Variants in LIPA observed in about 807,000 individuals in gnomAD.
The protein encoded by LIPA is lipase A, lysosomal acid type.
LIPA carries 26 observed loss-of-function variants against 40.6 expected under a neutral mutation model. The observed-to-expected ratio is 0.64, with a 90% CI of 0.47 to 0.89. The LOEUF is 0.89. Among genes scored for constraint, LIPA ranks in the 40% least tolerant of loss-of-function variants. The probability of loss-of-function intolerance (pLI) is 0.00; values close to 1 mark genes in which losing one functional copy is unlikely to be tolerated. For synonymous variants in LIPA, 188 were observed against 168.4 expected (o/e 1.12, Z -0.90); for missense variants, 455 against 479.6 (o/e 0.95, Z 0.48).
chr10:89,299,784 G>T (rs1185019144), intron 1 of LIPA, among the ~76,000 whole-genome samples: 1 of 152,070 alleles, frequency 6.6e-6, no homozygotes, highest in Non-Finnish European at 1.5e-5. Context: ...TGGCAAGGAT[G>T]CAGGGGAAAG....
intron 2 of LIPA, among the ~76,000 whole-genome samples, chr10:89,395,251 G>T (rs972805948): frequency 7.6e-6 from 1 of 132,226 alleles, no homozygotes; most frequent in Non-Finnish European, 1.5e-5. Flanking sequence ...ATGACCCCTT[G>T]GCAAAATTGC....
At chr10:89,390,802 T>C (rs1296463972) in intron 2 of LIPA, among the ~76,000 whole-genome samples, 1 of 152,216 alleles carries the variant, frequency 6.6e-6, no homozygotes, top group Non-Finnish European at 1.5e-5. Context: ...TTTGTTCATA[T>C]CTCTGCATGC....
chr10:89,284,735 C>T (rs1013449218), intron 1 of LIPA, among the ~76,000 whole-genome samples: 1 of 152,172 alleles, frequency 6.6e-6, no homozygotes, highest in African/African-American at 2.4e-5. Context: ...GGCCTCTGAG[C>T]CCAAGCTAAG....
chr10:89,217,147 G>C (rs1026807489), intron 8 of LIPA, among the ~76,000 whole-genome samples: 2 of 152,210 alleles, frequency 1.3e-5, no homozygotes, highest in African/African-American at 4.8e-5. Context: ...ATTTGAAATG[G>C]TAAGTTTTGG....
intron 2 of LIPA, among the ~76,000 whole-genome samples, chr10:89,408,653 G>C (rs1841444769): frequency 2.0e-5 from 3 of 152,180 alleles, no homozygotes; most frequent in Admixed American, 6.5e-5. Context: ...GGCAGACCTG[G>C]AGAAGTTTTC....
Position 89,362,860 on chromosome 10 carries a change from C to A in LIPA, c.61+49931G>T, listed in dbSNP as rs902348238. 1.3e-4 allele frequency: 43 copies of A among 321,042 alleles called. No homozygotes were observed. In the Middle Eastern group the frequency reaches 2.8e-3, roughly 21 times the overall value. The allele number at this position is 321,042 out of a possible 1,614,324, so 19.9% of individuals were successfully genotyped here. A position where few individuals can be genotyped will look rare whatever the true frequency, so the allele number is the denominator to read the frequency against. On this transcript the variant is annotated intron_variant, in intron 2 of 8. Transcript: ENST00000371837. ...TTCAGCACTGGGTATGTCATCACTG[C>A]CTATTGCCTGGACGGTTTTAACACA...
chr10:89,323,285 A>T lies in LIPA; in HGVS notation c.-2+19326T>A, dbSNP rs74964804. 7.2e-3 allele frequency among the ~76,000 whole-genome samples: 1,100 copies of T among 152,332 alleles called. 22 individuals carry two copies. The highest frequency in any genetic ancestry group is 0.065 in the East Asian group (336 of 5,186). ...TCAACAAACTAGATATTGAAGGAAC[A>T]TACCTCCAGATAATAAGAGCCATCT... On this transcript the variant is annotated intron_variant, in intron 1 of 5. Transcript: ENST00000282673.
chr10:89,306,959 C>A (rs368019671), intron 1 of LIPA: 9 of 1,614,004 alleles, frequency 5.6e-6, no homozygotes, highest in Non-Finnish European at 7.6e-6. Context: ...TAATCTCTTC[C>A]GTGTCTGTTC....
upstream of LIPA, among the ~76,000 whole-genome samples, chr10:89,256,317 T>G (rs1317780886): frequency 6.6e-6 from 1 of 152,252 alleles, no homozygotes; most frequent in African/African-American, 2.4e-5. Context: ...GAGATATGAT[T>G]TGTGACTAAT....
At chr10:89,369,589 AG>A (rs1844080604) in intron 2 of LIPA, among the ~76,000 whole-genome samples, 1 of 152,234 alleles carries the variant, frequency 6.6e-6, no homozygotes, top group Admixed American at 6.5e-5. Context: ...TGAAGGAGGA[AG>A]ATTAATGAAG....
chr10:89,388,562 G>A (rs149522838), intron 2 of LIPA, among the ~76,000 whole-genome samples: 2 of 152,060 alleles, frequency 1.3e-5, no homozygotes, highest in Admixed American at 6.6e-5. Context: ...GGAAAAATAT[G>A]TACGTAAGAT....
At chr10:89,222,692 A>G (rs1460078287) in intron 7 of LIPA, 110 bp from the exon 8 acceptor site, 8 of 771,352 alleles carry the variant, frequency 1.0e-5, no homozygotes, top group Non-Finnish European at 1.9e-5. Flanking sequence ...CCATAATCTC[A>G]AGTATGTGAG....
At chr10:89,250,064 T>C (rs1452034291) in intron 1 of LIPA, among the ~76,000 whole-genome samples, 1 of 131,886 alleles carries the variant, frequency 7.6e-6, no homozygotes, top group Non-Finnish European at 1.6e-5. Flanking sequence ...CTGAAATTCT[T>C]TTCTTTTTTC....
rs1164923405 is a variant in LIPA at position 89,228,294 on chromosome 10, C to T, written c.334G>A (p.Gly112Ser). 1.9e-6 allele frequency: 3 copies of T among 1,614,026 alleles called. No individual in the cohort carries two copies. In the African/African-American group the frequency reaches 4.0e-5, roughly 22 times the overall value. Reference protein sequence around the residue: ...SSLGFILADAGFDVWMGNSRG... With the variant: ...SSLGFILADASFDVWMGNSRG... ...CTGTTGCCCATCCACACGTCAAAAC[C>T]AGCATCAGCAAGAATGAAGCCCAGG... Residue 112 changes from glycine (G) to serine (S), a missense_variant, in exon 4 of 10, where the codon GGT becomes AGT. Transcript: ENST00000336233.
chr10:89,378,399 G>T (rs1413732028), intron 2 of LIPA, among the ~76,000 whole-genome samples: 2 of 152,114 alleles, frequency 1.3e-5, no homozygotes, highest in Non-Finnish European at 2.9e-5. Flanking sequence ...AGGCGTGTTG[G>T]TTTACAACAG....
At chr10:89,269,578 A>ATT (rs1288934483) in intron 1 of LIPA, among the ~76,000 whole-genome samples, 2 of 152,234 alleles carry the variant, frequency 1.3e-5, no homozygotes, top group Non-Finnish European at 2.9e-5. Context: ...AGTCAACCAT[A>ATT]TAATACTTTA....
At position 89,335,701 on chromosome 10, in the gene LIPA, T is replaced by C. The variant is rs546884284; in HGVS notation, c.-2+6910A>G. Among the ~76,000 whole-genome samples the C allele has an allele frequency of 5.3e-5, 8 of 152,280 alleles. No individual in the cohort carries two copies. In the South Asian group the frequency reaches 1.7e-3, roughly 32 times the overall value. On this transcript the variant is annotated intron_variant, in intron 1 of 5. Coordinates refer to the LIPA transcript ENST00000282673. ...ATTAATTACTAGTGTTCAGCTATTT[T>C]TTTCAGGCACCCATATGTACCTACA... is the stretch of plus-strand genomic sequence containing the variant.
chr10:89,303,990 C>G (rs1843462200), intron 1 of LIPA, among the ~76,000 whole-genome samples: 1 of 152,170 alleles, frequency 6.6e-6, no homozygotes, highest in African/African-American at 2.4e-5. Context: ...CCTCCAAGCT[C>G]CCCAGTGTCC....
intron 1 of LIPA, among the ~76,000 whole-genome samples, chr10:89,314,156 C>T (rs1306926322): frequency 1.3e-5 from 2 of 152,084 alleles, no homozygotes; most frequent in African/African-American, 2.4e-5. Context: ...TGAATACTGT[C>T]ATTGCTTTCA....
Sources: gnomAD v4.1 joint callset for allele counts (sites outside exome capture counted in the v4.1 genomes callset) on GRCh38, gnomAD v4.1.1 for gene constraint, MANE v1.5 for transcripts, NCBI Gene and HGNC (gene_info 2026-07-23, HGNC 2026-07-21) for gene names.